Variants in ADGRL3 observed in about 807,000 individuals in gnomAD.
ADGRL3 encodes the protein adhesion G protein-coupled receptor L3, also known as calcium-independent alpha-latrotoxin receptor 3.
Under a neutral mutation model 153.5 loss-of-function variants are expected in ADGRL3, and 62 were observed. The ratio of observed to expected loss-of-function variants is 0.40; its 90% CI spans 0.33 to 0.50. The LOEUF is 0.50. ADGRL3 is among the 20% of genes least tolerant of loss of function. The probability of loss-of-function intolerance (pLI) is 0.47; values close to 1 mark genes in which losing one functional copy is unlikely to be tolerated. For synonymous variants in ADGRL3, 710 were observed against 672.5 expected, an observed-to-expected ratio of 1.06 and a Z score of -0.86; for missense variants, 1,641 against 1,859.4, an observed-to-expected ratio of 0.88 and a Z score of 2.16.
chr4:61,733,862 A>T (rs1341450348), intron 8 of ADGRL3, among the ~76,000 whole-genome samples: 4 of 152,204 alleles, frequency 2.6e-5, no homozygotes, highest in African/African-American at 9.6e-5. Context: ...CCATTGCTAA[A>T]ATAGAACAGC....
At chr4:61,558,841 G>A (rs2098781452) in intron 4 of ADGRL3, among the ~76,000 whole-genome samples, 1 of 151,930 alleles carries the variant, frequency 6.6e-6, no homozygotes, top group South Asian at 2.1e-4. Context: ...GGCAAAAACA[G>A]CATCATTTTC....
intron 6 of ADGRL3, among the ~76,000 whole-genome samples, chr4:61,716,994 G>A (rs191882034): frequency 1.5e-3 from 233 of 152,150 alleles, no homozygotes; most frequent in African/African-American, 5.3e-3. Context: ...CTTGACCATG[G>A]TGTGATGAAT....
rs987433265 is a variant in ADGRL3 at position 61,291,202 on chromosome 4, A to G, written c.-240+89437A>G. 1.8e-3 allele frequency among the ~76,000 whole-genome samples: 204 copies of G among 113,370 alleles called. 5 individuals are homozygous for G. In the East Asian group the frequency reaches 0.038, roughly 21 times the overall value. The allele number at this position is 113,370 out of a possible 152,430, so 74.4% of individuals were successfully genotyped here. The stretch of plus-strand genomic sequence containing the variant: ...CACACACACACACACACACACACAC[A>G]CACACACACACACACGCACACACAC... On this transcript the variant is annotated intron_variant, in intron 1 of 26. Transcript: ENST00000683033.
At chr4:61,966,573 GGTGTGTGTGT>G (rs5858746) in intron 17 of ADGRL3, among the ~76,000 whole-genome samples, 15 of 146,038 alleles carry the variant, frequency 1.0e-4, no homozygotes, top group African/African-American at 2.3e-4. Flanking sequence ...TTTCAAAAGG[GGTGTGTGTGT>G]GTGTGTGTGT....
At chr4:61,967,084 A>G (rs2099009630) in intron 17 of ADGRL3, among the ~76,000 whole-genome samples, 1 of 152,188 alleles carries the variant, frequency 6.6e-6, no homozygotes, top group African/African-American at 2.4e-5. Flanking sequence ...CTATTTAACA[A>G]TGAAAATTAA....
chr4:61,817,936 A>G (rs552132770), intron 9 of ADGRL3, among the ~76,000 whole-genome samples: 1 of 152,270 alleles, frequency 6.6e-6, no homozygotes, highest in East Asian at 1.9e-4. Flanking sequence ...GAGAGCTACA[A>G]TGCAAGATGA....
intron 1 of ADGRL3, among the ~76,000 whole-genome samples, chr4:61,283,585 A>T (rs989055548): frequency 1.3e-5 from 2 of 151,952 alleles, no homozygotes; most frequent in African/African-American, 4.8e-5. Context: ...CACTCTCCTC[A>T]TTTGCAACTT....
chr4:61,446,945 A>T (rs2152497985), intron 2 of ADGRL3, among the ~76,000 whole-genome samples: 1 of 152,238 alleles, frequency 6.6e-6, no homozygotes, highest in South Asian at 2.1e-4. Flanking sequence ...TAGCTGTCTA[A>T]CCCCCTACTT....
intron 1 of ADGRL3, among the ~76,000 whole-genome samples, chr4:61,301,794 A>G (rs1305803573): frequency 6.6e-6 from 1 of 152,186 alleles, no homozygotes; most frequent in Non-Finnish European, 1.5e-5. Context: ...ACAAATCTGA[A>G]ATAACAGCAC....
chr4:61,977,381 A>C (rs549124815), intron 17 of ADGRL3, among the ~76,000 whole-genome samples: 167 of 152,212 alleles, frequency 1.1e-3, no homozygotes, highest in African/African-American at 3.5e-3. Context: ...ATAGCCCTCT[A>C]TTCAGGGAAC....
chr4:61,207,492 A>G (rs1397696328), intron 1 of ADGRL3, among the ~76,000 whole-genome samples: 1 of 152,176 alleles, frequency 6.6e-6, no homozygotes, highest in Non-Finnish European at 1.5e-5. Context: ...CATTGTGAAC[A>G]GTGCCACAGT....
At chr4:61,396,919 C>A (rs1333497111) in intron 2 of ADGRL3, among the ~76,000 whole-genome samples, 1 of 147,716 alleles carries the variant, frequency 6.8e-6, no homozygotes, top group Non-Finnish European at 1.5e-5. Flanking sequence ...ATGTAATTTA[C>A]TAAATAATTT....
In ADGRL3 at chr4:61,201,337, C is replaced by G. The variant is rs1362005692; in HGVS notation, c.-668C>G. 6.5e-6 allele frequency: 1 copy of G among 152,786 alleles called. No individual in the cohort carries two copies. Among genetic ancestry groups the G allele is most frequent in the African/African-American group, 2.4e-5 (1 of 41,432 alleles). The allele number at this position is 152,786 out of a possible 1,614,324, so 9.5% of individuals were successfully genotyped here. A position where few individuals can be genotyped will look rare whatever the true frequency, so the allele number is the denominator to read the frequency against. On this transcript the variant is annotated 5_prime_UTR_variant, in exon 1 of 27. Transcript: ENST00000683033. The stretch of plus-strand genomic sequence containing the variant: ...TATGACTGCCGCATGTTAATAGCTG[C>G]CGCTGGGTCCCTCGGCTGCTGCTGG...
chr4:61,861,274 G>A (rs918244995), intron 9 of ADGRL3, among the ~76,000 whole-genome samples: 8 of 152,102 alleles, frequency 5.3e-5, no homozygotes, highest in African/African-American at 1.9e-4. Flanking sequence ...CTGGGAAATG[G>A]GGATAATAAT....
intron 5 of ADGRL3, among the ~76,000 whole-genome samples, chr4:61,593,690 T>A (rs1282284675): frequency 6.6e-6 from 1 of 152,116 alleles, no homozygotes; most frequent in Non-Finnish European, 1.5e-5. Flanking sequence ...GGTTTTTTGT[T>A]TTGTTTCGGT....
intron 8 of ADGRL3, among the ~76,000 whole-genome samples, chr4:61,761,846 G>A (rs994472822): frequency 7.9e-5 from 12 of 152,140 alleles, no homozygotes; most frequent in African/African-American, 2.9e-4. Context: ...TGAGAGGAGT[G>A]CTTGTGCCCA....
chr4:61,629,841 G>T (rs770113944), intron 5 of ADGRL3, among the ~76,000 whole-genome samples: 4 of 142,238 alleles, frequency 2.8e-5, no homozygotes, highest in Non-Finnish European at 4.5e-5. Flanking sequence ...TTGAACATGT[G>T]TCCTAATTGT....
intron 1 of ADGRL3, among the ~76,000 whole-genome samples, chr4:61,246,085 A>G (rs1756961374): frequency 6.6e-6 from 1 of 151,930 alleles, no homozygotes; most frequent in East Asian, 1.9e-4. Flanking sequence ...TCTCCTAACT[A>G]TGGCCCTTTT....
chr4:61,524,813 GA>G (rs1357854775), intron 4 of ADGRL3, among the ~76,000 whole-genome samples: 1 of 152,052 alleles, frequency 6.6e-6, no homozygotes, highest in Non-Finnish European at 1.5e-5. Flanking sequence ...GAAGATCCAT[GA>G]AAAATGTTTA....
Sources: allele counts gnomAD v4.1 joint callset (sites outside exome capture counted in the v4.1 genomes callset), GRCh38; gene constraint gnomAD v4.1.1; transcripts MANE v1.5; gene names NCBI Gene and HGNC (gene_info 2026-07-23, HGNC 2026-07-21).